The following PPARGC1A variants were observed in gnomAD, a reference collection of about 807,000 sequenced individuals.
PPARGC1A encodes the protein peroxisome proliferator-activated receptor gamma coactivator 1-alpha.
In PPARGC1A, 25 loss-of-function variants were observed where a neutral mutation model predicts 88.7. That is an observed-to-expected ratio of 0.28 (90% CI 0.21 to 0.39). The LOEUF (loss-of-function observed/expected upper bound fraction) is 0.39. Among genes scored for constraint, PPARGC1A ranks in the 10% least tolerant of loss-of-function variants. PPARGC1A has a pLI of 1.00. For synonymous variants in PPARGC1A, 363 were observed against 355.6 expected (o/e 1.02, Z -0.24); for missense variants, 880 against 968.7 (o/e 0.91, Z 1.22).
the PPARGC1A span, among the ~76,000 whole-genome samples, chr4:24,257,491 T>G: frequency 1.3e-5 from 2 of 152,074 alleles, no homozygotes; most frequent in Non-Finnish European, 2.9e-5. Flanking sequence ...CCTGGCAAAA[T>G]AAAAAGATGC....
At chr4:23,863,320 G>A (rs1731574893) in intron 2 of PPARGC1A, among the ~76,000 whole-genome samples, 1 of 152,044 alleles carries the variant, frequency 6.6e-6, no homozygotes, top group African/African-American at 2.4e-5. Flanking sequence ...AAGAGTCCCT[G>A]GTGTCTAACA....
chr4:23,956,550 C>T, the PPARGC1A span, among the ~76,000 whole-genome samples: 4 of 152,164 alleles, frequency 2.6e-5, no homozygotes, highest in Non-Finnish European at 4.4e-5. Context: ...AAATATCTCT[C>T]CAGAAGCTCT....
chr4:24,466,903 GGA>G, the PPARGC1A span, among the ~76,000 whole-genome samples: 1 of 60,072 alleles, frequency 1.7e-5, no homozygotes, highest in African/African-American at 6.1e-5. Context: ...AAAAAAAAGA[GGA>G]AGGAAGGAAG....
At chr4:23,932,270 T>C in the PPARGC1A span, among the ~76,000 whole-genome samples, 29 of 89,270 alleles carry the variant, frequency 3.2e-4, no homozygotes, top group Admixed American at 3.0e-3. Context: ...GAGAATGCTC[T>C]TAGTGGGACT....
the PPARGC1A span, among the ~76,000 whole-genome samples, chr4:23,975,638 G>A: frequency 6.6e-6 from 1 of 152,084 alleles, no homozygotes; most frequent in African/African-American, 2.4e-5. Context: ...GGCTGGTCTT[G>A]AACTCCTGGC....
At chr4:24,082,351 A>G in the PPARGC1A span, among the ~76,000 whole-genome samples, 1 of 152,186 alleles carries the variant, frequency 6.6e-6, no homozygotes, top group East Asian at 1.9e-4. Flanking sequence ...CTTTAGAGAG[A>G]GGTGCCACGT....
chr4:24,298,737 T>C, the PPARGC1A span, among the ~76,000 whole-genome samples: 1 of 152,130 alleles, frequency 6.6e-6, no homozygotes, highest in African/African-American at 2.4e-5. Context: ...AAAACATGGC[T>C]TTTAGTCTGC....
chr4:24,463,715 G>C, the PPARGC1A span, among the ~76,000 whole-genome samples: 8 of 152,150 alleles, frequency 5.3e-5, no homozygotes, highest in Non-Finnish European at 1.0e-4. Flanking sequence ...TAGAATGGGA[G>C]GCAAGACTTC....
chr4:24,469,986 C>A, the PPARGC1A span, among the ~76,000 whole-genome samples: 1 of 152,272 alleles, frequency 6.6e-6, no homozygotes, highest in African/African-American at 2.4e-5. Context: ...TGCTGCGAAA[C>A]CTCCCATCTC....
chr4:23,980,826 T>A, the PPARGC1A span, among the ~76,000 whole-genome samples: 1 of 152,128 alleles, frequency 6.6e-6, no homozygotes, highest in Non-Finnish European at 1.5e-5. Context: ...AAGTCCCACA[T>A]GGGTGCAGAA....
chr4:24,278,500 A>G, the PPARGC1A span, among the ~76,000 whole-genome samples: 9 of 152,224 alleles, frequency 5.9e-5, no homozygotes, highest in Non-Finnish European at 1.2e-4. Context: ...ATAAAAGGTT[A>G]TGTACAACAC....
intron 2 of PPARGC1A, among the ~76,000 whole-genome samples, chr4:23,850,236 G>A (rs1003410559): frequency 6.6e-6 from 1 of 152,210 alleles, no homozygotes; most frequent in Admixed American, 6.5e-5. Flanking sequence ...TGAAATATAA[G>A]TTAAAGGTTT....
the PPARGC1A span, among the ~76,000 whole-genome samples, chr4:24,064,965 A>G: frequency 6.6e-6 from 1 of 152,328 alleles, no homozygotes; most frequent in East Asian, 1.9e-4. Context: ...ACTTTGTGCC[A>G]GGACAACGTT....
the PPARGC1A span, among the ~76,000 whole-genome samples, chr4:23,945,432 G>GA: frequency 2.0e-5 from 3 of 152,020 alleles, no homozygotes; most frequent in Admixed American, 1.3e-4. Context: ...AGAGACAAGG[G>GA]AAAAAAACCA....
At chr4:24,308,435 A>AT in the PPARGC1A span, among the ~76,000 whole-genome samples, 5 of 152,204 alleles carry the variant, frequency 3.3e-5, no homozygotes, top group East Asian at 1.9e-4. Flanking sequence ...TCTTGCCTTA[A>AT]TTTTTTTAAC....
the PPARGC1A span, among the ~76,000 whole-genome samples, chr4:24,020,088 C>A: frequency 6.6e-6 from 1 of 152,090 alleles, no homozygotes; most frequent in Non-Finnish European, 1.5e-5. Flanking sequence ...CAGGGGAGAT[C>A]AGGTATCCAA....
the PPARGC1A span, among the ~76,000 whole-genome samples, chr4:24,230,313 C>T: frequency 2.6e-5 from 4 of 152,088 alleles, no homozygotes; most frequent in Non-Finnish European, 5.9e-5. Flanking sequence ...CAGTCAAAGC[C>T]CCCCACTTCA....
At chr4:24,231,386 T>TC in the PPARGC1A span, among the ~76,000 whole-genome samples, 218 of 152,302 alleles carry the variant, frequency 1.4e-3, no homozygotes, top group African/African-American at 5.1e-3. Flanking sequence ...TTCAGAGCCC[T>TC]CAGGTATTCA....
chr4:23,998,839 G>A, the PPARGC1A span, among the ~76,000 whole-genome samples: 1 of 152,204 alleles, frequency 6.6e-6, no homozygotes, highest in Non-Finnish European at 1.5e-5. Flanking sequence ...GTAGCTTGGT[G>A]AGTGGCCTAT....
Sources: gnomAD v4.1 joint callset for allele counts (sites outside exome capture counted in the v4.1 genomes callset) on GRCh38, gnomAD v4.1.1 for gene constraint, MANE v1.5 for transcripts, NCBI Gene and HGNC (gene_info 2026-07-23, HGNC 2026-07-21) for gene names.